Variants in PHF21B observed in about 807,000 individuals in gnomAD.
PHF21B encodes the protein PHD finger protein 21B, also known as PHD finger protein 4.
A neutral mutation model predicts 62.2 loss-of-function variants in PHF21B; 22 were observed. That is an observed-to-expected ratio of 0.35 (90% CI 0.25 to 0.51). The LOEUF is 0.51. PHF21B is among the 20% of genes least tolerant of loss of function. The pLI is 0.97. For missense variants in PHF21B, 701 were observed against 707.9 expected (o/e 0.99, Z 0.11); for synonymous variants, 341 against 314.7 (o/e 1.08, Z -0.88).
intron 5 of PHF21B, among the ~76,000 whole-genome samples, chr22:44,912,856 C>T (rs965526777): frequency 2.0e-5 from 2 of 99,626 alleles, no homozygotes; most frequent in Non-Finnish European, 3.6e-5. Flanking sequence ...ACCAGCATGG[C>T]TCAAAGAGTC....
intron 2 of PHF21B, among the ~76,000 whole-genome samples, chr22:44,930,301 G>A (rs117313520): frequency 2.6e-4 from 40 of 152,328 alleles, no homozygotes; most frequent in East Asian, 1.3e-3. Flanking sequence ...TGCCTCTACC[G>A]TGTACTAGCC....
At chr22:44,900,783 C>CTTTTT (rs34015375) in intron 5 of PHF21B, among the ~76,000 whole-genome samples, 1 of 128,386 alleles carries the variant, frequency 7.8e-6, no homozygotes, top group Non-Finnish European at 1.7e-5. Context: ...TAAAGTGACT[C>CTTTTT]TTTTTTTTTT....
Position 44,977,968 on chromosome 22 carries a change from C to G in PHF21B, c.120+30577G>C, listed in dbSNP as rs141043446. ...TGAAGAAAACTTCAACTCCAAGCTC[C>G]CAAGAGTCAAGGTTGTTGCACGTGG... On this transcript the variant is annotated intron_variant, in intron 2 of 12. Transcript: ENST00000313237. 1.6e-3 allele frequency among the ~76,000 whole-genome samples: 238 copies of G among 152,196 alleles called. 1 individual carries two copies. Among genetic ancestry groups the G allele is most frequent in the African/African-American group, 5.5e-3 (230 of 41,524 alleles).
intron 7 of PHF21B, among the ~76,000 whole-genome samples, chr22:44,892,988 G>C (rs1054030060): frequency 6.6e-6 from 1 of 152,136 alleles, no homozygotes; most frequent in Non-Finnish European, 1.5e-5. Flanking sequence ...GAGTAGGGAA[G>C]GGCACTGGCC....
intron 2 of PHF21B, among the ~76,000 whole-genome samples, chr22:44,954,786 C>A (rs1569251970): frequency 6.6e-6 from 1 of 152,212 alleles, no homozygotes; most frequent in Non-Finnish European, 1.5e-5. Flanking sequence ...ACCCCACGCT[C>A]CCAGGAATTT....
intron 2 of PHF21B, among the ~76,000 whole-genome samples, chr22:44,942,661 G>A (rs1345959486): frequency 1.3e-5 from 2 of 152,188 alleles, no homozygotes; most frequent in African/African-American, 4.8e-5. Context: ...CACGGTCAGA[G>A]GAGGGTGCCC....
intron 2 of PHF21B, among the ~76,000 whole-genome samples, chr22:45,004,055 G>C (rs950849527): frequency 2.0e-5 from 3 of 152,102 alleles, no homozygotes; most frequent in African/African-American, 4.8e-5. Flanking sequence ...AGACAGAGTA[G>C]ATTAGTGGTT....
At chr22:44,935,511 G>A (rs2071828030) in intron 2 of PHF21B, among the ~76,000 whole-genome samples, 1 of 152,174 alleles carries the variant, frequency 6.6e-6, no homozygotes, top group Non-Finnish European at 1.5e-5. Context: ...CTGCTCGGGA[G>A]GCTGAGGCAG....
chr22:45,009,781 G>A lies in PHF21B; in HGVS notation c.-232C>T, dbSNP rs1270474080. On this transcript the variant is annotated 5_prime_UTR_variant, in exon 1 of 13. Coordinates refer to ENST00000313237, the MANE Select transcript of PHF21B (RefSeq NM_138415.5). This position sits in a 1 kb window ranked among gnomAD's most constrained non-coding sequence, Gnocchi z 5.9. ...GCTGCCCCAACTCCTCAGGCTGCCC[G>A]GCAAGTTGCGCCGGGTCCCCGGGCT... 2 of 271,722 alleles carry A rather than the reference G, an allele frequency of 7.4e-6. No homozygotes were observed. Among genetic ancestry groups the A allele is most frequent in the Non-Finnish European group, 6.9e-6 (1 of 145,504 alleles). The allele number at this position is 271,722 out of a possible 1,614,324, so 16.8% of individuals were successfully genotyped here.
intron 2 of PHF21B, among the ~76,000 whole-genome samples, chr22:44,950,810 C>T (rs1043158848): frequency 2.0e-4 from 31 of 152,296 alleles, no homozygotes; most frequent in African/African-American, 7.5e-4. Context: ...TCTGCTGTTT[C>T]ACCATTGGGC....
At chr22:44,957,568 T>C (rs1230738198) in intron 2 of PHF21B, among the ~76,000 whole-genome samples, 2 of 152,238 alleles carry the variant, frequency 1.3e-5, no homozygotes, top group Non-Finnish European at 2.9e-5. Flanking sequence ...GCTGCTTTTT[T>C]TCTCCTGCCT....
chr22:44,920,456 C>T lies in PHF21B; in HGVS notation c.155G>A (p.Gly52Asp), dbSNP rs747625286. Reference sequence around the variant, plus strand: ...CCTCTGCAAGGAGCTGACCTGAGGACCCGTGACAGGCACTGCAGTGATCGT... The same window carrying T: ...CCTCTGCAAGGAGCTGACCTGAGGATCCGTGACAGGCACTGCAGTGATCGT... ...LGTITAVPVT[G>D]PQVSSLQRLA... Residue 52 changes from glycine to aspartate, a missense_variant, in exon 3 of 13, where the codon GGT becomes GAT. Physicochemically the swap from Gly to Asp is moderately conservative, Grantham distance 94. Transcript: ENST00000313237. 1.2e-6 allele frequency: 2 copies of T among 1,613,266 alleles called. No homozygotes were observed. The highest frequency in any genetic ancestry group is 1.7e-6 in the Non-Finnish European group (2 of 1,179,622).
chr22:44,928,973 G>C (rs2071687924), intron 2 of PHF21B, among the ~76,000 whole-genome samples: 1 of 152,180 alleles, frequency 6.6e-6, no homozygotes, highest in Non-Finnish European at 1.5e-5. Flanking sequence ...GGCGAGAGGG[G>C]AGGCAGCCCC....
intron 2 of PHF21B, among the ~76,000 whole-genome samples, chr22:44,965,231 C>A (rs2072501924): frequency 6.6e-6 from 1 of 152,120 alleles, no homozygotes; most frequent in Non-Finnish European, 1.5e-5. Context: ...ACAGCCGCCT[C>A]TGGCCAACTC....
chr22:44,950,426 T>TTAA (rs1021611014), intron 2 of PHF21B, among the ~76,000 whole-genome samples: 7 of 152,222 alleles, frequency 4.6e-5, no homozygotes, highest in African/African-American at 1.4e-4. Context: ...ACAGATGTCC[T>TTAA]TAGCAGCAGC....
chr22:44,970,007 G>C (rs371496865), intron 2 of PHF21B, among the ~76,000 whole-genome samples: 17 of 152,224 alleles, frequency 1.1e-4, no homozygotes, highest in East Asian at 7.7e-4. Flanking sequence ...GCCACTTCAT[G>C]AAACTACAGG....
At chr22:45,008,636 C>A in intron 1 of PHF21B, 26 bp from the exon 2 acceptor site, 1 of 1,560,214 alleles carries the variant, frequency 6.4e-7, no homozygotes, top group Non-Finnish European at 8.7e-7. Flanking sequence ...GGAGCGGGCT[C>A]AGGCAGGCCA....
At chr22:44,971,337 C>G (rs2072633756) in intron 2 of PHF21B, 1 of 152,164 alleles carries the variant, frequency 6.6e-6, no homozygotes, top group Non-Finnish European at 1.5e-5. Context: ...TTCTTTCTGC[C>G]ATGTGTTTTT....
At chr22:44,917,057 G>A (rs2071449672) in intron 3 of PHF21B, among the ~76,000 whole-genome samples, 1 of 152,236 alleles carries the variant, frequency 6.6e-6, no homozygotes, top group African/African-American at 2.4e-5. Flanking sequence ...GAGGGCTCCT[G>A]GGCCTTGCCC....
Sources: gnomAD v4.1 joint callset for allele counts (sites outside exome capture counted in the v4.1 genomes callset) on GRCh38, gnomAD v4.1.1 for gene constraint, Gnocchi (gnomAD v3.1) non-coding constraint, MANE v1.5 for transcripts, NCBI Gene and HGNC (gene_info 2026-07-23, HGNC 2026-07-21) for gene names.